Variants in CFAP161 observed in about 807,000 individuals in gnomAD.
The protein encoded by CFAP161 is cilia and flagella associated protein 161, also known as cilia- and flagella-associated protein 161.
A neutral mutation model predicts 29.0 loss-of-function variants in CFAP161; 25 were observed. The observed-to-expected ratio is 0.86, with a 90% CI of 0.63 to 1.20. CFAP161 has a LOEUF of 1.20. CFAP161 is among the 50% of genes most tolerant of loss of function. The pLI, the probability that CFAP161 is intolerant of heterozygous loss-of-function variation, is 0.00. For synonymous variants in CFAP161, 116 were observed against 137.4 expected, an observed-to-expected ratio of 0.84 and a Z score of 1.09; for missense variants, 367 against 371.9, an observed-to-expected ratio of 0.99 and a Z score of 0.11.
chr15:81,127,245 A>G (rs1894652840), intron 1 of CFAP161, among the ~76,000 whole-genome samples: 2 of 152,370 alleles, frequency 1.3e-5, no homozygotes, highest in South Asian at 4.1e-4. Flanking sequence ...TTAATTAGCC[A>G]TCCTGCACCC....
intron 1 of CFAP161, among the ~76,000 whole-genome samples, chr15:81,114,945 A>C (rs145140311): frequency 3.3e-5 from 5 of 152,210 alleles, no homozygotes; most frequent in African/African-American, 1.2e-4. Context: ...TTACAGGCGC[A>C]AGGGTTTTTA....
upstream of CFAP161, chr15:81,134,195 A>C: frequency 9.5e-7 from 1 of 1,049,056 alleles, no homozygotes; most frequent in South Asian, 1.6e-5. Context: ...CCCCAGGGCG[A>C]GGGTGCGCGC....
chr15:81,100,708 T>A (rs1006508553), intron 1 of CFAP161, among the ~76,000 whole-genome samples: 1 of 151,978 alleles, frequency 6.6e-6, no homozygotes, highest in Non-Finnish European at 1.5e-5. Flanking sequence ...CTCTCTCTTT[T>A]TTTTTTTTTT....
intron 5 of CFAP161, 118 bp from the exon 6 acceptor site, chr15:81,147,740 C>A: frequency 1.8e-6 from 1 of 548,950 alleles, no homozygotes; most frequent in African/African-American, 2.0e-5. Context: ...TTTTTTTCTA[C>A]TAAATTGAAA....
upstream of CFAP161, among the ~76,000 whole-genome samples, chr15:81,131,959 A>C (rs1346507374): frequency 6.6e-6 from 1 of 152,144 alleles, no homozygotes; most frequent in Non-Finnish European, 1.5e-5. Context: ...AAATAAGATT[A>C]ATAGCTGATT....
At chr15:81,144,535 G>A (rs540509834) in intron 5 of CFAP161, among the ~76,000 whole-genome samples, 1 of 152,318 alleles carries the variant, frequency 6.6e-6, no homozygotes, top group Non-Finnish European at 1.5e-5. Context: ...GACAGAGGTT[G>A]CAGTGAGCCA....
Position 81,116,202 on chromosome 15 carries a change from C to T in CFAP161, c.-141-11388C>T, listed in dbSNP as rs114387039. Among the ~76,000 whole-genome samples the T allele has an allele frequency of 4.6e-3, 703 of 152,282 alleles. 9 individuals carry two copies. Among genetic ancestry groups the T allele is most frequent in the African/African-American group, 0.016 (652 of 41,540 alleles). On this transcript the variant is annotated intron_variant, in intron 1 of 4. Transcript: ENST00000560091. ...TATTAACTGTGGAATTTCGGTTACA[C>T]CATTTCACTTGCCAAGTGAAAAAGG...
chr15:81,148,027 A>G (rs1019282238), intron 6 of CFAP161, 96 bp downstream of exon 6: 4 of 1,005,132 alleles, frequency 4.0e-6, no homozygotes, highest in Non-Finnish European at 5.9e-6. Flanking sequence ...GGCTGCACAT[A>G]CAAAAAATGT....
At chr15:81,114,661 TTTTG>T (rs985504895) in intron 1 of CFAP161, among the ~76,000 whole-genome samples, 12 of 151,974 alleles carry the variant, frequency 7.9e-5, no homozygotes, top group African/African-American at 1.9e-4. Context: ...AGACGAGGGT[TTTTG>T]TTTGTTTGTT....
chr15:81,127,901 A>C (rs1894661014), intron 2 of CFAP161, among the ~76,000 whole-genome samples: 1 of 152,236 alleles, frequency 6.6e-6, no homozygotes, highest in African/African-American at 2.4e-5. Context: ...ATGCCATAGT[A>C]AACTATGTGT....
chr15:81,126,058 T>C (rs954328000), intron 1 of CFAP161, among the ~76,000 whole-genome samples: 2 of 152,104 alleles, frequency 1.3e-5, no homozygotes, highest in Non-Finnish European at 2.9e-5. Context: ...TTAGTAGAGC[T>C]GGGGTTTCAC....
chr15:81,137,985 TAG>T (rs1445973845), intron 3 of CFAP161, 64 bp from the exon 4 acceptor site: 23 of 1,220,694 alleles, frequency 1.9e-5, no homozygotes, highest in South Asian at 6.8e-5. Context: ...GCATAAAAAA[TAG>T]AGTCATAGAA....
chr15:81,122,767 C>T (rs1038683666), intron 1 of CFAP161, among the ~76,000 whole-genome samples: 1 of 152,110 alleles, frequency 6.6e-6, no homozygotes, highest in African/African-American at 2.4e-5. Flanking sequence ...GCTGGGATTA[C>T]AGGTATGAGC....
intron 1 of CFAP161, chr15:81,127,457 A>G (rs1006334487): frequency 6.6e-6 from 1 of 152,244 alleles, no homozygotes; most frequent in African/African-American, 2.4e-5. Flanking sequence ...GACAGAATGT[A>G]AATTCTGTGG....
rs934129642 is a variant in CFAP161, at chr15:81,134,381, G to T, written c.52G>T (p.Asp18Tyr). ...AGTCCGGATAGGCAACTGGAATGAG[G>T]ATGTCTACCTGGAGGAGGTACGCAG... ...PGVRIGNWNE[D>Y]VYLEEELMKD... The change falls in exon 1 of 7, where the codon GAT becomes TAT. Residue 18 changes from aspartate (D) to tyrosine (Y), a missense_variant. By Grantham distance (160) the Asp-to-Tyr change is radical. Coordinates refer to ENST00000286732, the MANE Select transcript of CFAP161 (RefSeq NM_173528.4). 3.1e-6 allele frequency: 5 copies of T among 1,588,674 alleles called. No individual in the cohort carries two copies. The highest frequency in any genetic ancestry group is 4.3e-6 in the Non-Finnish European group (5 of 1,168,544).
At chr15:81,107,142 A>G (rs1430498251) in intron 1 of CFAP161, among the ~76,000 whole-genome samples, 1 of 152,204 alleles carries the variant, frequency 6.6e-6, no homozygotes, top group Admixed American at 6.5e-5. Flanking sequence ...GCCTGGAGGA[A>G]TTTGAGCAGA....
rs1305725362 is a variant in CFAP161 at position 81,147,876 on chromosome 15, A to T, written c.655A>T (p.Ile219Phe). The T allele has an allele frequency of 3.1e-6, 5 of 1,609,712 alleles. No homozygotes were observed. In the African/African-American group the frequency reaches 6.7e-5, roughly 22 times the overall value. ...FPVPANAKIL[I>F]NHCHTNRGLA... ...TGTTAAGGCAAATGCTAAAATTCTC[A>T]TCAATCACTGTCACACAAATCGGGG... Residue 219 changes from isoleucine (I) to phenylalanine (F), a missense_variant, in exon 6 of 7, where the codon ATC becomes TTC. By Grantham distance (21) the Ile-to-Phe change is conservative (BLOSUM62 0). Transcript: ENST00000286732.
intron 3 of CFAP161, 23 bp from the exon 4 acceptor site, chr15:81,138,028 T>G (rs368983627): frequency 6.5e-7 from 1 of 1,533,692 alleles, no homozygotes; most frequent in Non-Finnish European, 9.0e-7. Flanking sequence ...TACATTTACA[T>G]TATACTTATT....
At chr15:81,138,168 C>T (rs1279006452) in intron 4 of CFAP161, 33 bp downstream of exon 4, 1 of 1,540,460 alleles carries the variant, frequency 6.5e-7, no homozygotes, top group East Asian at 2.2e-5. Context: ...TACTTTGGAT[C>T]AGTCATTTCT....
Sources: gnomAD v4.1 joint callset for allele counts (sites outside exome capture counted in the v4.1 genomes callset) on GRCh38, gnomAD v4.1.1 for gene constraint, MANE v1.5 for transcripts, NCBI Gene and HGNC (gene_info 2026-07-23, HGNC 2026-07-21) for gene names.